ADGRL3: variants seen among roughly 807,000 people sequenced by gnomAD.
ADGRL3 encodes calcium-independent alpha-latrotoxin receptor 3.
Under a neutral mutation model 153.5 loss-of-function variants are expected in ADGRL3, and 62 were observed. That is an observed-to-expected ratio of 0.40 (90% CI 0.33 to 0.50). ADGRL3 has a LOEUF of 0.50. Among genes scored for constraint, ADGRL3 ranks in the 20% least tolerant of loss-of-function variants. ADGRL3 has a pLI of 0.47. For synonymous variants in ADGRL3, 710 were observed against 672.5 expected (o/e 1.06, Z -0.86); for missense variants, 1,641 against 1,859.4 (o/e 0.88, Z 2.16).
At chr4:61,454,128 G>T (rs1049692534) in intron 2 of ADGRL3, among the ~76,000 whole-genome samples, 2 of 151,930 alleles carry the variant, frequency 1.3e-5, no homozygotes, top group Non-Finnish European at 2.9e-5. Flanking sequence ...ACAGTGCGTG[G>T]CACAAAGGAG....
chr4:61,265,511 A>T (rs2149684045), intron 1 of ADGRL3, among the ~76,000 whole-genome samples: 1 of 151,982 alleles, frequency 6.6e-6, no homozygotes, highest in South Asian at 2.1e-4. Context: ...TGGCAGAAAA[A>T]TGTGCTGGGA....
At chr4:61,812,437 G>C (rs1182885127) in intron 8 of ADGRL3, among the ~76,000 whole-genome samples, 1 of 152,196 alleles carries the variant, frequency 6.6e-6, no homozygotes, top group African/African-American at 2.4e-5. Context: ...TACTTGAAAT[G>C]GGAAAGTTAC....
intron 4 of ADGRL3, among the ~76,000 whole-genome samples, chr4:61,520,111 C>T (rs1007037974): frequency 2.0e-5 from 3 of 152,022 alleles, no homozygotes; most frequent in East Asian, 1.9e-4. Flanking sequence ...TATTTGGATT[C>T]ATACAAATTA....
At chr4:61,951,249 A>G (rs1013422317) in intron 17 of ADGRL3, among the ~76,000 whole-genome samples, 1 of 152,102 alleles carries the variant, frequency 6.6e-6, no homozygotes, top group African/African-American at 2.4e-5. Context: ...TAGCTTTATA[A>G]TCACCAAAGA....
At chr4:61,823,829 AG>A (rs1397805123) in intron 9 of ADGRL3, among the ~76,000 whole-genome samples, 1 of 152,112 alleles carries the variant, frequency 6.6e-6, no homozygotes, top group African/African-American at 2.4e-5. Context: ...TGAGAGGATG[AG>A]GGGGGTGGTT....
chr4:61,461,099 C>T (rs1223118181), intron 2 of ADGRL3, among the ~76,000 whole-genome samples: 1 of 151,944 alleles, frequency 6.6e-6, no homozygotes, highest in East Asian at 1.9e-4. Flanking sequence ...ACAAAGCCAT[C>T]ACATCTCGTG....
intron 6 of ADGRL3, among the ~76,000 whole-genome samples, chr4:61,681,992 G>T (rs2095346511): frequency 6.6e-6 from 1 of 151,932 alleles, no homozygotes; most frequent in African/African-American, 2.4e-5. Context: ...AGAAAATTTA[G>T]TCAAATGGCT....
chr4:61,352,279 G>T (rs922508908), intron 1 of ADGRL3, among the ~76,000 whole-genome samples: 1 of 152,194 alleles, frequency 6.6e-6, no homozygotes, highest in Non-Finnish European at 1.5e-5. Context: ...ATAACTTGCT[G>T]AAGGCTCAGA....
intron 17 of ADGRL3, among the ~76,000 whole-genome samples, chr4:61,978,145 T>C (rs1267856091): frequency 6.6e-6 from 1 of 152,172 alleles, no homozygotes; most frequent in Admixed American, 6.6e-5. Flanking sequence ...TCAGTGTGTA[T>C]GATCTATATA....
intron 11 of ADGRL3, among the ~76,000 whole-genome samples, chr4:61,908,322 C>T (rs539562125): frequency 2.6e-5 from 4 of 152,102 alleles, no homozygotes; most frequent in Admixed American, 6.5e-5. Flanking sequence ...AAAGGCCGGG[C>T]GTAGTGGCTC....
At chr4:61,854,688 C>T (rs1244968619) in intron 9 of ADGRL3, among the ~76,000 whole-genome samples, 1 of 152,072 alleles carries the variant, frequency 6.6e-6, no homozygotes, top group Admixed American at 6.6e-5. Context: ...GTGGGCTGCA[C>T]TAACTTGCTA....
Position 61,585,988 on chromosome 4 carries a change from A to T in ADGRL3, c.260-1239A>T, listed in dbSNP as rs183258557. ...AAGCAAGCCATTCACAAATAAAAGC[A>T]ATACAAAAGGTCAATAAACATATGA... On this transcript the variant is annotated intron_variant, in intron 4 of 26. Transcript: ENST00000683033. Among the ~76,000 whole-genome samples, 26 of 152,180 alleles carry T rather than the reference A, an allele frequency of 1.7e-4. No homozygotes were observed. In the East Asian group the frequency reaches 3.7e-3, roughly 22 times the overall value.
chr4:61,340,182 C>T (rs2095777544), intron 1 of ADGRL3, among the ~76,000 whole-genome samples: 1 of 152,126 alleles, frequency 6.6e-6, no homozygotes, highest in Non-Finnish European at 1.5e-5. Context: ...CCCTCAGATT[C>T]AAACTAAATT....
At chr4:61,965,515 C>T (rs542105038) in intron 17 of ADGRL3, among the ~76,000 whole-genome samples, 8 of 152,040 alleles carry the variant, frequency 5.3e-5, no homozygotes, top group Admixed American at 2.6e-4. Flanking sequence ...TTTAGGAGGC[C>T]GAGGTGGGTG....
intron 1 of ADGRL3, among the ~76,000 whole-genome samples, chr4:61,257,819 C>T (rs1051045580): frequency 4.0e-5 from 6 of 150,744 alleles, no homozygotes; most frequent in East Asian, 1.9e-4. Context: ...CAATTTATTT[C>T]GCTTAATTGA....
In ADGRL3 at chr4:61,249,333, A is replaced by C. The variant is rs75480218; in HGVS notation, c.-240+47568A>C. ...TATTAGGGGCCTAGACAGTACAGAA[A>C]TACATTTCTCTGTCTTGGAAAAAGA... On this transcript the variant is annotated intron_variant, in intron 1 of 26. Transcript: ENST00000683033. Among the ~76,000 whole-genome samples the C allele has an allele frequency of 1.9e-3, 285 of 152,294 alleles. 1 individual carries two copies. The highest frequency in any genetic ancestry group is 6.4e-3 in the African/African-American group (264 of 41,572).
chr4:61,205,679 A>G (rs571893006), intron 1 of ADGRL3, among the ~76,000 whole-genome samples: 2 of 152,356 alleles, frequency 1.3e-5, no homozygotes, highest in Admixed American at 1.3e-4. Context: ...AAAACTTGCA[A>G]GTATGAGTAA....
chr4:61,385,551 C>T (rs1476073094), intron 2 of ADGRL3: 1 of 152,174 alleles, frequency 6.6e-6, no homozygotes, highest in Non-Finnish European at 1.5e-5. Flanking sequence ...GGTTTCAGCG[C>T]CTCCAGCAGA....
At chr4:61,516,497 A>G (rs2098496142) in intron 3 of ADGRL3, among the ~76,000 whole-genome samples, 1 of 151,856 alleles carries the variant, frequency 6.6e-6, no homozygotes, top group South Asian at 2.1e-4. Context: ...TATCTCATGT[A>G]TCAATTTATC....
Sources: allele counts gnomAD v4.1 joint callset (sites outside exome capture counted in the v4.1 genomes callset), GRCh38; gene constraint gnomAD v4.1.1; transcripts MANE v1.5; gene names NCBI Gene and HGNC (gene_info 2026-07-23, HGNC 2026-07-21).